Variants in TSPAN15 observed in about 807,000 individuals in gnomAD.
TSPAN15 encodes tetraspanin-15.
Under a neutral mutation model 34.5 loss-of-function variants are expected in TSPAN15, and 20 were observed. The observed-to-expected ratio is 0.58, with a 90% CI of 0.41 to 0.84. The LOEUF (loss-of-function observed/expected upper bound fraction) is 0.84, where lower values mean the gene tolerates loss of function less well. Among genes scored for constraint, TSPAN15 ranks in the 40% least tolerant of loss-of-function variants. TSPAN15 has a pLI of 0.00. For synonymous variants in TSPAN15, 155 were observed against 153.9 expected, an observed-to-expected ratio of 1.01 and a Z score of -0.05; for missense variants, 313 against 386.1, an observed-to-expected ratio of 0.81 and a Z score of 1.59.
At chr10:69,458,898 C>T (rs2133061182) in intron 1 of TSPAN15, among the ~76,000 whole-genome samples, 1 of 152,216 alleles carries the variant, frequency 6.6e-6, no homozygotes, top group Non-Finnish European at 1.5e-5. Context: ...TGGGTTGGTT[C>T]CTGGAGAAGC....
the TSPAN15 span, among the ~76,000 whole-genome samples, chr10:69,528,170 C>T: frequency 6.7e-6 from 1 of 148,442 alleles, no homozygotes; most frequent in Non-Finnish European, 1.5e-5. Flanking sequence ...TGGACACTGG[C>T]TGCTGCCGCG....
rs114494478 is a variant in TSPAN15 at position 69,506,070 on chromosome 10, G to A, written c.619-54G>A. The A allele has an allele frequency of 1.2e-3, 1,830 of 1,514,980 alleles. 14 individuals carry two copies. In the African/African-American group the frequency reaches 0.02, roughly 16 times the overall value. 93.8% of individuals were successfully genotyped at this position (1,514,980 alleles called of 1,614,324 possible). A position where few individuals can be genotyped will look rare whatever the true frequency, so the allele number is the denominator to read the frequency against. On this transcript the variant is annotated intron_variant, in intron 6 of 7. Transcript: ENST00000373290. The surrounding 1 kb of genome is among the most constrained non-coding windows in gnomAD (Gnocchi z 4.7). ...GTGTACATGGCAGAGTCGGGGCTGT[G>A]GCTCCTGCCAGCCGAGGTCCTCTGC... is the stretch of plus-strand genomic sequence containing the variant.
intron 1 of TSPAN15, among the ~76,000 whole-genome samples, chr10:69,464,856 A>C (rs1310027059): frequency 6.6e-6 from 1 of 152,222 alleles, no homozygotes; most frequent in East Asian, 1.9e-4. Flanking sequence ...GACACTACTC[A>C]GTGGTTTCAA....
intron 1 of TSPAN15, among the ~76,000 whole-genome samples, chr10:69,466,912 T>C (rs1328048224): frequency 3.3e-5 from 5 of 152,208 alleles, no homozygotes; most frequent in African/African-American, 1.2e-4. Flanking sequence ...CTGAGGGAGA[T>C]GGTCTGGCCA....
rs1370174844 is a variant in TSPAN15 at position 69,506,580 on chromosome 10, G to A, written c.736-249G>A. 6.6e-6 allele frequency among the ~76,000 whole-genome samples: 1 copy of A among 152,224 alleles called. No homozygotes were observed. The highest frequency in any genetic ancestry group is 1.9e-4 in the East Asian group (1 of 5,184). ...TGGGGTGGAGGCAGGAATCCCAGAA[G>A]GGAGGGGCCCTTGCTGATGGGGCAC... On this transcript the variant is annotated intron_variant, in intron 7 of 7. Transcript: ENST00000373290. The surrounding 1 kb of genome is among the most constrained non-coding windows in gnomAD (Gnocchi z 4.7).
intron 1 of TSPAN15, among the ~76,000 whole-genome samples, chr10:69,461,682 C>A (rs1564598550): frequency 6.6e-6 from 1 of 152,118 alleles, no homozygotes; most frequent in Non-Finnish European, 1.5e-5. Context: ...GGCATGGGCA[C>A]AGTGTGGCTG....
chr10:69,491,291 G>T (rs919024298), intron 3 of TSPAN15, among the ~76,000 whole-genome samples: 4 of 152,232 alleles, frequency 2.6e-5, no homozygotes, highest in Admixed American at 6.5e-5. Flanking sequence ...AGAGGGACTG[G>T]GAAAGGCTGA....
At chr10:69,510,428 A>G (rs949545127), downstream of TSPAN15, among the ~76,000 whole-genome samples, 3 of 152,218 alleles carry the variant, frequency 2.0e-5, no homozygotes, top group Admixed American at 1.3e-4. Flanking sequence ...TTGATTTTGT[A>G]TCCTGAGACT....
At chr10:69,530,820 CTATATATATATATATATATA>C in the TSPAN15 span, among the ~76,000 whole-genome samples, 272 of 30,782 alleles carry the variant, frequency 8.8e-3, 19 homozygotes, top group Admixed American at 0.037. Flanking sequence ...CTCTCTCTCT[CTATATATATATATATATATA>C]TATATATATA....
chr10:69,469,526 C>T (rs1371186853), intron 1 of TSPAN15, among the ~76,000 whole-genome samples: 1 of 152,118 alleles, frequency 6.6e-6, no homozygotes, highest in Non-Finnish European at 1.5e-5. Flanking sequence ...GATCTTGGCT[C>T]ACTGCAACCT....
downstream of TSPAN15, among the ~76,000 whole-genome samples, chr10:69,509,958 A>C (rs1000524658): frequency 6.6e-6 from 1 of 152,214 alleles, no homozygotes; most frequent in Non-Finnish European, 1.5e-5. Flanking sequence ...TGGTACCAGT[A>C]CCATGCTGTT....
chr10:69,539,445 G>C, the TSPAN15 span, among the ~76,000 whole-genome samples: 3 of 32,678 alleles, frequency 9.2e-5, no homozygotes, highest in African/African-American at 3.9e-4. Context: ...GAAGAAGGAA[G>C]AAGAAGAAGA....
intron 1 of TSPAN15, among the ~76,000 whole-genome samples, chr10:69,469,602 C>A (rs758110768): frequency 3.3e-5 from 5 of 152,184 alleles, no homozygotes; most frequent in African/African-American, 4.8e-5. Flanking sequence ...CTTAGCCTCC[C>A]ACGTATTAGG....
At chr10:69,453,780 C>T (rs1000111684) in intron 1 of TSPAN15, among the ~76,000 whole-genome samples, 3 of 152,264 alleles carry the variant, frequency 2.0e-5, no homozygotes, top group Non-Finnish European at 2.9e-5. Context: ...GAAGCCCACC[C>T]AATGGCCCTT....
At chr10:69,455,628 C>CCCCT (rs1564595704) in intron 1 of TSPAN15, among the ~76,000 whole-genome samples, 1 of 114,500 alleles carries the variant, frequency 8.7e-6, no homozygotes, top group Non-Finnish European at 1.8e-5. Flanking sequence ...CTCTCTCTCC[C>CCCCT]CCCCCCGTCT....
In TSPAN15 at chr10:69,506,785, C is replaced by G; in HGVS notation, c.736-44C>G. On this transcript the variant is annotated intron_variant, in intron 7 of 7. Coordinates refer to ENST00000373290, the MANE Select transcript of TSPAN15 (RefSeq NM_012339.5). This position sits in a 1 kb window ranked among gnomAD's most constrained non-coding sequence, Gnocchi z 4.7. ...GCCGGGAGCTGCAGGGAGGGCTGCC[C>G]TGATTCCCAGCAGGCCCTCACCAGC... is the stretch of plus-strand genomic sequence containing the variant. 1 of 1,544,492 alleles carries G rather than the reference C, an allele frequency of 6.5e-7. No homozygotes were observed. The highest frequency in any genetic ancestry group is 8.8e-7 in the Non-Finnish European group (1 of 1,141,330).
chr10:69,490,514 A>T (rs1467692722), intron 3 of TSPAN15, among the ~76,000 whole-genome samples: 2 of 152,214 alleles, frequency 1.3e-5, no homozygotes, highest in Non-Finnish European at 2.9e-5. Flanking sequence ...TGAGGTCAGG[A>T]GTTTGAGAAC....
chr10:69,488,645 T>G (rs1841905516), intron 3 of TSPAN15, among the ~76,000 whole-genome samples: 2 of 152,288 alleles, frequency 1.3e-5, no homozygotes, highest in Middle Eastern at 3.4e-3. Flanking sequence ...GACGTCACAT[T>G]ATCAGTAGGA....
chr10:69,468,566 G>A (rs1203455311), intron 1 of TSPAN15, among the ~76,000 whole-genome samples: 1 of 151,666 alleles, frequency 6.6e-6, no homozygotes, highest in South Asian at 2.1e-4. Context: ...ATGGAAGGAG[G>A]AATTCAAAGA....
Sources: gnomAD v4.1 joint callset for allele counts (sites outside exome capture counted in the v4.1 genomes callset) on GRCh38, gnomAD v4.1.1 for gene constraint, Gnocchi (gnomAD v3.1) non-coding constraint, MANE v1.5 for transcripts, NCBI Gene and HGNC (gene_info 2026-07-23, HGNC 2026-07-21) for gene names.